ATXN2L: variants seen among roughly 807,000 people sequenced by gnomAD.
The protein encoded by ATXN2L is ataxin-2-like protein.
ATXN2L carries 24 observed loss-of-function variants against 120.7 expected under a neutral mutation model. The observed-to-expected ratio is 0.20, with a 90% CI of 0.14 to 0.28. The LOEUF (loss-of-function observed/expected upper bound fraction) is 0.28, where lower values mean the gene tolerates loss of function less well. Among genes scored for constraint, ATXN2L ranks in the 10% least tolerant of loss-of-function variants. ATXN2L has a pLI of 1.00. For synonymous variants in ATXN2L, 653 were observed against 568.1 expected (o/e 1.15, Z -2.13); for missense variants, 1,312 against 1,432.3 (o/e 0.92, Z 1.36).
At position 28,827,667 on chromosome 16, in the gene ATXN2L, G is replaced by C. The variant is rs1319008840; in HGVS notation, c.741+681G>C. Among the ~76,000 whole-genome samples the C allele has an allele frequency of 2.0e-5, 3 of 152,204 alleles. No homozygotes were observed. In the East Asian group the frequency reaches 5.8e-4, roughly 29 times the overall value. On this transcript the variant is annotated intron_variant, in intron 6 of 21. Coordinates refer to ENST00000336783, the MANE Select transcript of ATXN2L (RefSeq NM_007245.4). ...CAGGAGCTCCGATCACTTGAGCCCA[G>C]GAGTTTGAGGCTGCTGTAAGCTGAG...
In ATXN2L at chr16:28,832,686, A is replaced by G. The variant is rs1010716369; in HGVS notation, c.1588+119A>G. 3.0e-4 allele frequency: 422 copies of G among 1,419,416 alleles called. 2 individuals are homozygous for G. The highest frequency in any genetic ancestry group is 3.9e-4 in the Non-Finnish European group (397 of 1,021,702). 87.9% of individuals were successfully genotyped at this position (1,419,416 alleles called of 1,614,324 possible). ...AATGTCTATCAGTCCTTGGATTATA[A>G]TTTCACTTCTGTGATCCTCAAGAGT... On this transcript the variant is annotated intron_variant, in intron 12 of 21. Coordinates refer to ENST00000336783, the MANE Select transcript of ATXN2L (RefSeq NM_007245.4).
At chr16:28,832,784 T>C in intron 12 of ATXN2L, 33 bp from the exon 13 acceptor site, 2 of 1,608,136 alleles carry the variant, frequency 1.2e-6, no homozygotes, top group Non-Finnish European at 1.7e-6. Context: ...AAGAATGTTT[T>C]GTATTTTCTT....
At chr16:28,835,503 G>A in intron 20 of ATXN2L, 46 bp from the exon 21 acceptor site, 1 of 1,610,692 alleles carries the variant, frequency 6.2e-7, no homozygotes, top group Non-Finnish European at 8.5e-7. Flanking sequence ...CTGGGGGCCA[G>A]CGAGTTGCTG....
intron 15 of ATXN2L, 162 bp from the exon 16 acceptor site, chr16:28,833,903 A>C (rs1384549179): frequency 1.2e-6 from 1 of 831,534 alleles, no homozygotes; most frequent in African/African-American, 1.7e-5. Context: ...GTAACTTTAG[A>C]ATACTCATCT....
At chr16:28,826,798 G>A in intron 5 of ATXN2L, 64 bp from the exon 6 acceptor site, 8 of 1,480,692 alleles carry the variant, frequency 5.4e-6, no homozygotes, top group Non-Finnish European at 7.2e-6. Context: ...GTGGGGTTGG[G>A]GGATATTGGA....
At chr16:28,828,307 C>T (rs1445700363) in intron 6 of ATXN2L, among the ~76,000 whole-genome samples, 1 of 152,110 alleles carries the variant, frequency 6.6e-6, no homozygotes, top group Admixed American at 6.6e-5. Context: ...CAGTTGCAGG[C>T]CGGGCGCGGT....
intron 1 of ATXN2L, chr16:28,823,870 G>C (rs922469139): frequency 6.4e-6 from 2 of 314,848 alleles, no homozygotes; most frequent in Non-Finnish European, 1.1e-5. Flanking sequence ...GCAAGGAGCT[G>C]ATCGGGGTCC....
chr16:28,831,783 C>T (rs918087320), intron 10 of ATXN2L, among the ~76,000 whole-genome samples: 2 of 152,128 alleles, frequency 1.3e-5, no homozygotes, highest in Non-Finnish European at 2.9e-5. Context: ...ACTTGCGAGG[C>T]TGAGGTGGGG....
Position 28,837,173 on chromosome 16 carries a change from T to C in ATXN2L, c.*908T>C. 5.0e-6 allele frequency: 1 copy of C among 198,182 alleles called. No homozygotes were observed. Among genetic ancestry groups the C allele is most frequent in the East Asian group, 1.5e-4 (1 of 6,650 alleles). The allele number at this position is 198,182 out of a possible 1,614,324, so 12.3% of individuals were successfully genotyped here. A position where few individuals can be genotyped will look rare whatever the true frequency, so the allele number is the denominator to read the frequency against. Reference sequence around the variant, plus strand: ...CACGAGGATGGCTGGACAAGGACTTTTACTTTTTATTACATAAAAATATTA... The same window carrying C: ...CACGAGGATGGCTGGACAAGGACTTCTACTTTTTATTACATAAAAATATTA... On this transcript the variant is annotated 3_prime_UTR_variant, in exon 22 of 22. Transcript: ENST00000336783.
intron 9 of ATXN2L, 25 bp from the exon 10 acceptor site, chr16:28,830,936 CA>C (rs373844681): frequency 0.044 from 54,917 of 1,248,046 alleles, no homozygotes; most frequent in Middle Eastern, 0.061. Flanking sequence ...ATTTTCTTCT[CA>C]AAAAAAAAAA....
chr16:28,833,653 T>A, intron 15 of ATXN2L, 145 bp downstream of exon 15: 2 of 894,124 alleles, frequency 2.2e-6, no homozygotes, highest in Non-Finnish European at 3.5e-6. Context: ...AATGTAAGGA[T>A]GGCACCTTTG....
At chr16:28,825,457 G>T (rs1354730245) in intron 2 of ATXN2L, 55 bp downstream of exon 2, 2 of 1,594,186 alleles carry the variant, frequency 1.3e-6, no homozygotes, top group Non-Finnish European at 1.7e-6. Flanking sequence ...GATGCATAAT[G>T]TGGGAATATA....
chr16:28,831,066 C>T lies in ATXN2L; in HGVS notation c.1315C>T (p.Pro439Ser), dbSNP rs146367102. Residue 439 changes from proline (P) to serine (S), a missense_variant, in exon 10 of 22, where the codon CCT becomes TCT. Coordinates refer to ENST00000336783, the MANE Select transcript of ATXN2L (RefSeq NM_007245.4). ...PSGETSVPPP[P>S]AVGRMYPPRS... ...TGGAGAAACTTCTGTTCCACCTCCT[C>T]CTGCAGGTAAAGCTTTAGTAGTGTT... The T allele has an allele frequency of 1.1e-5, 17 of 1,599,786 alleles. No individual in the cohort carries two copies. Among genetic ancestry groups the T allele is most frequent in the South Asian group, 3.4e-5 (3 of 89,482 alleles).
At chr16:28,833,010 A>G (rs781077281) in intron 13 of ATXN2L, 49 bp from the exon 14 acceptor site, 2 of 1,597,644 alleles carry the variant, frequency 1.3e-6, no homozygotes, top group Non-Finnish European at 1.7e-6. Flanking sequence ...GAAGAAAGCC[A>G]GGACTAGGGT....
rs1382267745 is a variant in ATXN2L, at chr16:28,833,520, C to T, written c.2025+12C>T. On this transcript the variant is annotated intron_variant, in intron 15 of 21. Coordinates refer to ENST00000336783, the MANE Select transcript of ATXN2L (RefSeq NM_007245.4). ...CTCTGCTGTCTGTGGTGAGCTGGGACAGGAGAATGTGGACTTTGGTTTCTG... is the reference window on the plus strand; with the variant it reads ...CTCTGCTGTCTGTGGTGAGCTGGGATAGGAGAATGTGGACTTTGGTTTCTG... 1 of 1,613,854 alleles carries T rather than the reference C, an allele frequency of 6.2e-7. No individual in the cohort carries two copies. The highest frequency in any genetic ancestry group is 8.5e-7 in the Non-Finnish European group (1 of 1,179,880).
chr16:28,836,609 C>T lies in ATXN2L; in HGVS notation c.*344C>T. On this transcript the variant is annotated 3_prime_UTR_variant, in exon 22 of 22. Coordinates refer to ENST00000336783, the MANE Select transcript of ATXN2L (RefSeq NM_007245.4). ...TGTGCTTCTGACAGCCCCCGAGACA[C>T]CTTGAGGAGGCCGCTCCTTCCCAGA... 2 of 1,592,224 alleles carry T rather than the reference C, an allele frequency of 1.3e-6. No individual in the cohort carries two copies. Among genetic ancestry groups the T allele is most frequent in the South Asian group, 1.1e-5 (1 of 89,494 alleles).
At chr16:28,824,146 C>G in intron 1 of ATXN2L, 1 of 1,024,008 alleles carries the variant, frequency 9.8e-7, no homozygotes. Flanking sequence ...GCGCCCCCTT[C>G]CCGTACGTGC....
Position 28,836,049 on chromosome 16 carries a change from G to A in ATXN2L, c.3012G>A (p.Ala1004=), listed in dbSNP as rs763218468. 3.5e-5 allele frequency: 56 copies of A among 1,601,578 alleles called. No individual in the cohort carries two copies. The highest frequency in any genetic ancestry group is 4.5e-5 in the Non-Finnish European group (53 of 1,172,314). ...GTCATGGGGGGCCCCCCCAAGGCGC[G>A]GTGCCCCAGAGTGGGGTGCCTGCAC... The part of the protein sequence containing the change: ...PQSHGGPPQG[A]VPQSGVPALS... Residue 1004 remains alanine, a synonymous_variant, in exon 22 of 22, where the codon GCG becomes GCA. Transcript: ENST00000336783.
rs1209623440 is a variant in ATXN2L, at chr16:28,826,269, G to T, written c.495G>T (p.Arg165=). 1.9e-6 allele frequency: 3 copies of T among 1,614,194 alleles called. No individual in the cohort carries two copies. In the South Asian group the frequency reaches 3.3e-5, roughly 18 times the overall value. ...KFELAVDAVH[R]KASEPAGGPR... is the part of the protein sequence containing the mutation. ...AACTAGCCGTGGATGCTGTGCACCG[G>T]AAAGCATCTGAGCCAGCAGGTGGCC... Residue 165 remains arginine, a synonymous_variant, in exon 5 of 22, where the codon CGG becomes CGT. Transcript: ENST00000336783.
Sources: gnomAD v4.1 joint callset for allele counts (sites outside exome capture counted in the v4.1 genomes callset) on GRCh38, gnomAD v4.1.1 for gene constraint, MANE v1.5 for transcripts, NCBI Gene and HGNC (gene_info 2026-07-23, HGNC 2026-07-21) for gene names.